Variants in SCLY observed in about 807,000 individuals in gnomAD.
SCLY encodes selenocysteine lyase, also known as putative selenocysteine lyase.
SCLY carries 38 observed loss-of-function variants against 50.1 expected under a neutral mutation model. That is an observed-to-expected ratio of 0.76 (90% confidence interval 0.59 to 0.99). SCLY has a LOEUF of 0.99. Among genes scored for constraint, SCLY ranks in the 50% least tolerant of loss-of-function variants. The pLI is 0.00. For missense variants in SCLY, 600 were observed against 620.0 expected, an observed-to-expected ratio of 0.97 and a Z score of 0.34; for synonymous variants, 243 against 249.4, an observed-to-expected ratio of 0.97 and a Z score of 0.24.
intron 7 of SCLY, among the ~76,000 whole-genome samples, chr2:238,087,655 T>C (rs77076513): frequency 0.1 from 15,883 of 151,810 alleles, 1,594 homozygotes; most frequent in African/African-American, 0.26. Context: ...CAGTTCATTT[T>C]ATGAAGCTAG....
Position 238,081,740 on chromosome 2 carries a change from C to T in SCLY, c.516C>T (p.Ser172=), listed in dbSNP as rs200048122. The T allele has an allele frequency of 1.0e-4, 162 of 1,614,180 alleles. 1 individual carries two copies. The highest frequency in any genetic ancestry group is 6.6e-4 in the South Asian group (60 of 91,082). ...CCTTTGTCCCGGTGTCCAAGGTGAG[C>T]GGGCAGGCAGAGGTGGACGACATCC... is the stretch of plus-strand genomic sequence containing the variant. The part of the protein sequence containing the change: ...AVTFVPVSKV[S]GQAEVDDILA... Residue 172 remains serine (S), a synonymous_variant, in exon 5 of 12, where the codon AGC becomes AGT. Transcript: ENST00000254663.
At chr2:238,068,280 G>A in intron 3 of SCLY, 115 bp downstream of exon 3, 1 of 805,720 alleles carries the variant, frequency 1.2e-6, no homozygotes, top group Admixed American at 3.1e-5. Flanking sequence ...CAAGTGTGGT[G>A]GCTCATGCCT....
intron 1 of SCLY, among the ~76,000 whole-genome samples, chr2:238,062,130 A>G (rs2065024427): frequency 6.6e-6 from 1 of 152,212 alleles, no homozygotes; most frequent in African/African-American, 2.4e-5. Flanking sequence ...TAGCATTTTA[A>G]GGAAGCAGCA....
At chr2:238,078,369 C>T (rs946238473) in intron 4 of SCLY, among the ~76,000 whole-genome samples, 24 of 152,058 alleles carry the variant, frequency 1.6e-4, no homozygotes, top group Admixed American at 1.2e-3. Flanking sequence ...CTTTTTGTTT[C>T]CTAGATGTCT....
In SCLY at chr2:238,069,614, TG is replaced by T; in HGVS notation, c.484+138del. 1 of 794,126 alleles carries T rather than the reference TG, an allele frequency of 1.3e-6. No homozygotes were observed. Among genetic ancestry groups the T allele is most frequent in the Non-Finnish European group, 1.9e-6 (1 of 531,264 alleles). The allele number at this position is 794,126 out of a possible 1,614,324, so 49.2% of individuals were successfully genotyped here. ...GCCACTCACTGTAACTCACTGGTTC[TG>T]ATGAGGAGGCAGGCCCTGGCACCTT... On this transcript the variant is annotated intron_variant, in intron 4 of 11. Coordinates refer to ENST00000254663, the MANE Select transcript of SCLY (RefSeq NM_016510.7). This position sits in a 1 kb window ranked among gnomAD's most constrained non-coding sequence, Gnocchi z 5.0.
In SCLY at chr2:238,083,167, G is replaced by C; in HGVS notation, c.778-81G>C. The C allele has an allele frequency of 1.0e-6, 1 of 966,928 alleles. No individual in the cohort carries two copies. Among genetic ancestry groups the C allele is most frequent in the Non-Finnish European group, 1.7e-6 (1 of 591,202 alleles). The allele number at this position is 966,928 out of a possible 1,614,324, so 59.9% of individuals were successfully genotyped here. ...ATGCATTGCAGAGCATTTCTCCTGTGTGCCCCTAAGCACTTAGCATGTATA... is the reference window on the plus strand; with the variant it reads ...ATGCATTGCAGAGCATTTCTCCTGTCTGCCCCTAAGCACTTAGCATGTATA... On this transcript the variant is annotated intron_variant, in intron 6 of 11. Transcript: ENST00000254663. This position sits in a 1 kb window ranked among gnomAD's most constrained non-coding sequence, Gnocchi z 4.3.
rs1299112951 is a variant in SCLY at position 238,098,590 on chromosome 2, T to C, written c.*235T>C. On this transcript the variant is annotated 3_prime_UTR_variant, in exon 12 of 12. Coordinates refer to ENST00000254663, the MANE Select transcript of SCLY (RefSeq NM_016510.7). ...GACTGCCCACATGGGACCGCCCACA[T>C]AGGACCGCCCACATAGGACCGCCCA... 7 of 421,592 alleles carry C rather than the reference T, an allele frequency of 1.7e-5. No homozygotes were observed. The highest frequency in any genetic ancestry group is 2.9e-5 in the Non-Finnish European group (7 of 244,262). 26.1% of individuals were successfully genotyped at this position (421,592 alleles called of 1,614,324 possible). A position where few individuals can be genotyped will look rare whatever the true frequency, so the allele number is the denominator to read the frequency against.
At position 238,067,421 on chromosome 2, in the gene SCLY, AAG is replaced by A. The variant is rs1265656331; in HGVS notation, c.203-642_203-641del. Reference sequence around the variant, plus strand: ...TTTGGGGACTCCTGGTGTGTACACTAAGAATGGTCACTGAAACTTTCGGCATT... The same window carrying A: ...TTTGGGGACTCCTGGTGTGTACACTAAATGGTCACTGAAACTTTCGGCATT... On this transcript the variant is annotated intron_variant, in intron 2 of 11. Coordinates refer to ENST00000254663, the MANE Select transcript of SCLY (RefSeq NM_016510.7). The surrounding 1 kb of genome is among the most constrained non-coding windows in gnomAD (Gnocchi z 4.3). Among the ~76,000 whole-genome samples the A allele has an allele frequency of 1.7e-4, 26 of 152,222 alleles. No homozygotes were observed. The highest frequency in any genetic ancestry group is 3.4e-4 in the Non-Finnish European group (23 of 68,044).
chr2:238,094,673 G>C (rs1047298986), intron 10 of SCLY, 151 bp downstream of exon 10: 2 of 653,812 alleles, frequency 3.1e-6, no homozygotes, highest in African/African-American at 3.6e-5. Context: ...CCAAGAGCAG[G>C]CTCGGGTGGC....
chr2:238,083,147 T>TGGAC lies in SCLY; in HGVS notation c.778-101_778-100insGGAC, dbSNP rs1161827542. On this transcript the variant is annotated intron_variant, in intron 6 of 11. Coordinates refer to ENST00000254663, the MANE Select transcript of SCLY (RefSeq NM_016510.7). This position sits in a 1 kb window ranked among gnomAD's most constrained non-coding sequence, Gnocchi z 4.3. ...CACAAGGAAGCAGCAGGACTATGCA[T>TGGAC]TGCAGAGCATTTCTCCTGTGTGCCC... 1.2e-6 allele frequency: 1 copy of TGGAC among 850,954 alleles called. No individual in the cohort carries two copies. The highest frequency in any genetic ancestry group is 1.8e-5 in the Admixed American group (1 of 56,990). The allele number at this position is 850,954 out of a possible 1,614,324, so 52.7% of individuals were successfully genotyped here.
rs934610661 is a variant in SCLY at position 238,067,979 on chromosome 2, A to G, written c.203-86A>G. ...TTAGAACGGCCCACGCAGACCTCTTATTCCTTTGTATTTGGTTGTCCTTTT... is the reference window on the plus strand; with the variant it reads ...TTAGAACGGCCCACGCAGACCTCTTGTTCCTTTGTATTTGGTTGTCCTTTT... On this transcript the variant is annotated intron_variant, in intron 2 of 11. Transcript: ENST00000254663. The surrounding 1 kb of genome is among the most constrained non-coding windows in gnomAD (Gnocchi z 4.3). 2.0e-6 allele frequency: 2 copies of G among 984,162 alleles called. No homozygotes were observed. Among genetic ancestry groups the G allele is most frequent in the Non-Finnish European group, 3.1e-6 (2 of 642,884 alleles). 61.0% of individuals were successfully genotyped at this position (984,162 alleles called of 1,614,324 possible). A position where few individuals can be genotyped will look rare whatever the true frequency, so the allele number is the denominator to read the frequency against.
rs2106455605 is a variant in SCLY, at chr2:238,093,940, T to G, written c.1001T>G (p.Leu334Arg). ...RDVRDYLEER[L>R]EAEFGQKRIH... is the part of the protein sequence containing the mutation. ...GTCCGCGACTACCTGGAAGAGAGGC[T>G]GGAAGTGAGCGCAGCGTGGGGTGGG... is the stretch of plus-strand genomic sequence containing the variant. The change falls in exon 9 of 12, where the codon CTG becomes CGG. Residue 334 changes from leucine (L) to arginine (R), a missense_variant. By Grantham distance (102) the Leu-to-Arg change is moderately radical (BLOSUM62 -2). Transcript: ENST00000254663. The G allele has an allele frequency of 6.2e-7, 1 of 1,613,190 alleles. No homozygotes were observed. The highest frequency in any genetic ancestry group is 1.1e-5 in the South Asian group (1 of 90,878).
At chr2:238,077,520 C>A (rs2065185580) in intron 4 of SCLY, among the ~76,000 whole-genome samples, 1 of 152,202 alleles carries the variant, frequency 6.6e-6, no homozygotes, top group Non-Finnish European at 1.5e-5. Flanking sequence ...GGATTTCCAA[C>A]CCTGGCTTGG....
At chr2:238,085,649 C>T (rs903014804) in intron 7 of SCLY, among the ~76,000 whole-genome samples, 1 of 151,946 alleles carries the variant, frequency 6.6e-6, no homozygotes, top group Admixed American at 6.6e-5. Context: ...ATCCCTTGAA[C>T]CTAGGAGGCA....
Position 238,098,091 on chromosome 2 carries a change from C to T in SCLY, c.1185-111C>T, listed in dbSNP as rs193176023. ...GGAGGTGGATGCCAGGCGAGGCAGG[C>T]GCACATCCGGGTGGGCAGAGCCCCA... On this transcript the variant is annotated intron_variant, in intron 11 of 11. Transcript: ENST00000254663. 2.3e-4 allele frequency: 292 copies of T among 1,292,574 alleles called. No individual in the cohort carries two copies. The East Asian group carries it at 6.0e-3, about 27-fold the overall frequency. The allele number at this position is 1,292,574 out of a possible 1,614,324, so 80.1% of individuals were successfully genotyped here.
chr2:238,085,789 A>G (rs775874094), intron 7 of SCLY, among the ~76,000 whole-genome samples: 1 of 152,194 alleles, frequency 6.6e-6, no homozygotes, highest in Non-Finnish European at 1.5e-5. Context: ...CAAATGATAT[A>G]ACATTCGTTT....
chr2:238,064,488 C>G lies in SCLY; in HGVS notation c.202+19C>G, dbSNP rs150004949. 2.6e-6 allele frequency: 4 copies of G among 1,551,126 alleles called. No individual in the cohort carries two copies. The highest frequency in any genetic ancestry group is 3.5e-6 in the Non-Finnish European group (4 of 1,133,270). On this transcript the variant is annotated intron_variant, in intron 2 of 11. Transcript: ENST00000254663. Reference sequence around the variant, plus strand: ...TCAGCAGGTAATTCTAGAAGATGCACGTGTTCACTGATGGGAGATAATGGG... The same window carrying G: ...TCAGCAGGTAATTCTAGAAGATGCAGGTGTTCACTGATGGGAGATAATGGG...
chr2:238,079,540 T>C (rs1444522898), intron 4 of SCLY: 1 of 152,258 alleles, frequency 6.6e-6, no homozygotes, highest in East Asian at 1.9e-4. Context: ...TCCCACCTCC[T>C]TTGTGCTATT....
intron 4 of SCLY, chr2:238,073,911 G>A (rs1559244264): frequency 5.1e-6 from 2 of 391,262 alleles, no homozygotes. Flanking sequence ...TTTATTGTGA[G>A]AATATAGCAT....
Sources: gnomAD v4.1 joint callset for allele counts (sites outside exome capture counted in the v4.1 genomes callset) on GRCh38, gnomAD v4.1.1 for gene constraint, Gnocchi (gnomAD v3.1) non-coding constraint, MANE v1.5 for transcripts, NCBI Gene and HGNC (gene_info 2026-07-23, HGNC 2026-07-21) for gene names.